TAF2: variants seen among roughly 807,000 people sequenced by gnomAD.
TAF2 encodes TATA-box binding protein associated factor 2.
Under a neutral mutation model 138.5 loss-of-function variants are expected in TAF2, and 61 were observed. The observed-to-expected ratio is 0.44, with a 90% CI of 0.36 to 0.54. The LOEUF (loss-of-function observed/expected upper bound fraction) is 0.54, where lower values mean the gene tolerates loss of function less well. Among genes scored for constraint, TAF2 ranks in the 20% least tolerant of loss-of-function variants. The pLI, the probability that TAF2 is intolerant of heterozygous loss-of-function variation, is 0.00. For missense variants in TAF2, 1,090 were observed against 1,427.9 expected (o/e 0.76, Z 3.81); for synonymous variants, 475 against 469.9 (o/e 1.01, Z -0.14).
Position 119,797,688 on chromosome 8 carries a change from A to AGCCACTTCAACATAAGCC in TAF2, c.933_950dup (p.Val314_Tyr319dup). On this transcript the variant is annotated inframe_insertion, in exon 7 of 26. Coordinates refer to ENST00000378164, the MANE Select transcript of TAF2 (RefSeq NM_003184.4). ...TAAAAATGCTCATGGAAGCATAAGC[A>AGCCACTTCAACATAAGCC]GCCACTTCAACATAAGCCTCATCAA... 6.2e-7 allele frequency: 1 copy of AGCCACTTCAACATAAGCC among 1,613,494 alleles called. No individual in the cohort carries two copies. Among genetic ancestry groups the AGCCACTTCAACATAAGCC allele is most frequent in the Non-Finnish European group, 8.5e-7 (1 of 1,179,668 alleles).
intron 22 of TAF2, among the ~76,000 whole-genome samples, chr8:119,755,569 A>G (rs1820647232): frequency 6.6e-6 from 1 of 152,156 alleles, no homozygotes; most frequent in Non-Finnish European, 1.5e-5. Flanking sequence ...CAATAATAAT[A>G]AGTATTTTGA....
intron 23 of TAF2, among the ~76,000 whole-genome samples, chr8:119,745,965 G>C (rs759062225): frequency 6.6e-6 from 1 of 152,058 alleles, no homozygotes; most frequent in Non-Finnish European, 1.5e-5. Flanking sequence ...TTTATCATAT[G>C]TTTAGAACTG....
At chr8:119,789,031 A>G in intron 12 of TAF2, 127 bp from the exon 13 acceptor site, 1 of 679,226 alleles carries the variant, frequency 1.5e-6, no homozygotes, top group Non-Finnish European at 2.6e-6. Context: ...AGCATACGCT[A>G]CAGTAAACCA....
At chr8:119,767,762 A>T (rs1160795341) in intron 18 of TAF2, among the ~76,000 whole-genome samples, 1 of 152,230 alleles carries the variant, frequency 6.6e-6, no homozygotes, top group Non-Finnish European at 1.5e-5. Context: ...TGTTTGCTGA[A>T]CAGGTCCCTG....
intron 18 of TAF2, among the ~76,000 whole-genome samples, chr8:119,772,023 A>T (rs997060570): frequency 6.6e-6 from 1 of 152,232 alleles, no homozygotes. Context: ...TTACAAATCA[A>T]TATCAAGAGG....
chr8:119,770,477 T>C (rs185779949), intron 18 of TAF2, among the ~76,000 whole-genome samples: 10 of 152,262 alleles, frequency 6.6e-5, no homozygotes, highest in Admixed American at 6.5e-4. Flanking sequence ...CAGCCAAGAA[T>C]TTTATATCCT....
chr8:119,811,805 C>CAAA (rs771523182), intron 3 of TAF2, among the ~76,000 whole-genome samples: 34 of 60,194 alleles, frequency 5.6e-4, no homozygotes, highest in African/African-American at 7.6e-4. Context: ...GACTCCGTCT[C>CAAA]AAAAAAAAAA....
intron 25 of TAF2, among the ~76,000 whole-genome samples, chr8:119,737,109 C>G (rs1445017211): frequency 2.6e-5 from 4 of 152,140 alleles, no homozygotes; most frequent in Non-Finnish European, 4.4e-5. Context: ...AAGGCTATAT[C>G]AGCCAACTGC....
intron 19 of TAF2, 116 bp from the exon 20 acceptor site, chr8:119,760,854 A>G (rs749252388): frequency 5.5e-5 from 75 of 1,369,230 alleles, no homozygotes; most frequent in South Asian, 2.5e-4. Context: ...TGTGATTTTA[A>G]TCCACCTTCA....
At chr8:119,783,097 G>C (rs189778789) in intron 16 of TAF2, among the ~76,000 whole-genome samples, 62 of 152,100 alleles carry the variant, frequency 4.1e-4, no homozygotes, top group Middle Eastern at 3.4e-3. Context: ...TATATTCTTC[G>C]CTTTAAAAAT....
chr8:119,829,051 G>A (rs12707880), intron 2 of TAF2, among the ~76,000 whole-genome samples: 41,352 of 152,090 alleles, frequency 0.27, 6,890 homozygotes, highest in Admixed American at 0.46. Context: ...CCCATGTTAG[G>A]AGCACTAGCT....
In TAF2 at chr8:119,765,313, A is replaced by C. The variant is rs904867662; in HGVS notation, c.2365-2705T>G. On this transcript the variant is annotated intron_variant, in intron 18 of 25. Transcript: ENST00000378164. ...AAGCAAAACAGAAAAAAGAGTAAGA[A>C]GACAGGAAAAGTAATCAAATTGTTC... Among the ~76,000 whole-genome samples, 25 of 152,216 alleles carry C rather than the reference A, an allele frequency of 1.6e-4. 1 individual carries two copies. Among genetic ancestry groups the C allele is most frequent in the African/African-American group, 5.1e-4 (21 of 41,452 alleles).
At chr8:119,762,952 C>G (rs1478611435) in intron 18 of TAF2, 1 of 193,368 alleles carries the variant, frequency 5.2e-6, no homozygotes, top group East Asian at 1.4e-4. Context: ...ACATGGCAGT[C>G]AATTCTCATA....
chr8:119,791,122 C>A (rs1823400058), intron 11 of TAF2, among the ~76,000 whole-genome samples: 1 of 152,102 alleles, frequency 6.6e-6, no homozygotes, highest in African/African-American at 2.4e-5. Context: ...ATTATATCTT[C>A]ATAAAATTCA....
chr8:119,785,814 A>G (rs562009197), intron 14 of TAF2, among the ~76,000 whole-genome samples: 2 of 152,238 alleles, frequency 1.3e-5, no homozygotes, highest in Non-Finnish European at 2.9e-5. Context: ...AAACAGGAAC[A>G]GAGAAAACTT....
chr8:119,781,782 G>A (rs1822680342), intron 16 of TAF2, among the ~76,000 whole-genome samples: 1 of 152,004 alleles, frequency 6.6e-6, no homozygotes, highest in African/African-American at 2.4e-5. Context: ...CTGCCTCCCG[G>A]GCTCCAGAGA....
Position 119,791,398 on chromosome 8 carries a change from T to A in TAF2, c.1339A>T (p.Ser447Cys), listed in dbSNP as rs760553372. ...AGGTGGGCTTTACACTGAAACATAC[T>A]GTAGTATTCCCAGGACAGTGTATGT... is the stretch of plus-strand genomic sequence containing the variant. The part of the protein sequence containing the change: ...HPHTLSWEYY[S>C]MFQCKAHLVM... Residue 447 changes from serine (S) to cysteine (C), a missense_variant, in exon 11 of 26, where the codon AGT becomes TGT. Transcript: ENST00000378164. 1.8e-5 allele frequency: 29 copies of A among 1,613,830 alleles called. No individual in the cohort carries two copies. Among genetic ancestry groups the A allele is most frequent in the Non-Finnish European group, 2.5e-5 (29 of 1,179,878 alleles).
intron 3 of TAF2, among the ~76,000 whole-genome samples, chr8:119,815,978 T>A (rs1825437172): frequency 6.6e-6 from 1 of 152,092 alleles, no homozygotes; most frequent in Non-Finnish European, 1.5e-5. Flanking sequence ...TTCAGCCTCT[T>A]ATCCAAGTGT....
chr8:119,789,940 T>G lies in TAF2; in HGVS notation c.1414-194A>C, dbSNP rs578000365. ...TATAAGCAGCCAGAATACAAAACCA[T>G]TCTTCATATAAACATTATTGAATGT... On this transcript the variant is annotated intron_variant, in intron 11 of 25. Transcript: ENST00000378164. 2.0e-5 allele frequency among the ~76,000 whole-genome samples: 3 copies of G among 152,144 alleles called. No homozygotes were observed. The South Asian group carries it at 6.2e-4, about 32-fold the overall frequency.
Sources: allele counts gnomAD v4.1 joint callset (sites outside exome capture counted in the v4.1 genomes callset), GRCh38; gene constraint gnomAD v4.1.1; transcripts MANE v1.5; gene names NCBI Gene and HGNC (gene_info 2026-07-23, HGNC 2026-07-21).